Variants in CSMD3 observed in about 807,000 individuals in gnomAD.
CSMD3 encodes the protein CUB and Sushi multiple domains 3, also known as CUB and sushi domain-containing protein 3.
A neutral mutation model predicts 435.2 loss-of-function variants in CSMD3; 177 were observed. The ratio of observed to expected loss-of-function variants is 0.41; its 90% CI spans 0.36 to 0.46. The LOEUF (loss-of-function observed/expected upper bound fraction) is 0.46, where lower values mean the gene tolerates loss of function less well. Among genes scored for constraint, CSMD3 ranks in the 20% least tolerant of loss-of-function variants. The pLI is 0.34. For synonymous variants in CSMD3, 1,656 were observed against 1,520.5 expected, an observed-to-expected ratio of 1.09 and a Z score of -2.07; for missense variants, 4,265 against 4,504.6, an observed-to-expected ratio of 0.95 and a Z score of 1.52.
chr8:112,270,357 T>A (rs1362788003), intron 59 of CSMD3, among the ~76,000 whole-genome samples: 96 of 119,074 alleles, frequency 8.1e-4, no homozygotes, highest in African/African-American at 4.2e-3. Context: ...TGTGTGTGTG[T>A]GTGTGTGTGT....
chr8:112,506,686 C>A lies in CSMD3; in HGVS notation c.4895+5G>T, dbSNP rs2130930299. 1 of 1,613,160 alleles carries A rather than the reference C, an allele frequency of 6.2e-7. No homozygotes were observed. The highest frequency in any genetic ancestry group is 8.5e-7 in the Non-Finnish European group (1 of 1,179,276). ...TAACGTGGAAATAAATATATAAGAA[C>A]TCACCTGATGAACGCCAAGGAGATA... On this transcript the variant is annotated splice_donor_5th_base_variant and intron_variant, in intron 29 of 70. Coordinates refer to ENST00000297405, the MANE Select transcript of CSMD3 (RefSeq NM_198123.2).
chr8:112,837,034 G>A (rs549449798), intron 11 of CSMD3, among the ~76,000 whole-genome samples: 1 of 151,874 alleles, frequency 6.6e-6, no homozygotes, highest in Admixed American at 6.6e-5. Flanking sequence ...CTCATATCAT[G>A]TTGTTATAAT....
intron 5 of CSMD3, among the ~76,000 whole-genome samples, chr8:113,085,690 C>T (rs899109287): frequency 6.6e-6 from 1 of 152,104 alleles, no homozygotes; most frequent in African/African-American, 2.4e-5. Context: ...AAGTTAAATA[C>T]TACATTTTCT....
At chr8:113,157,166 A>C (rs1490670093) in intron 4 of CSMD3, among the ~76,000 whole-genome samples, 1 of 152,146 alleles carries the variant, frequency 6.6e-6, no homozygotes, top group Non-Finnish European at 1.5e-5. Flanking sequence ...TCTTCAAAAA[A>C]TTAAACATAG....
At position 112,234,447 on chromosome 8, in the gene CSMD3, AT is replaced by A; in HGVS notation, c.10657del (p.Met3553CysfsTer15). 6.2e-7 allele frequency: 1 copy of A among 1,613,196 alleles called. No individual in the cohort carries two copies. Among genetic ancestry groups the A allele is most frequent in the Non-Finnish European group, 8.5e-7 (1 of 1,179,424 alleles). ...GVYKSQEARL[M>X]LRIYLIKVPA... ...TACTTTAATAAGATATATGCGTAAC[AT>A]TAGGCGAGCTTCCTGGCTTTTATAT... On this transcript the variant is annotated frameshift_variant, in exon 68 of 71. Transcript: ENST00000297405. LOFTEE classifies it high-confidence loss of function.
intron 35 of CSMD3, among the ~76,000 whole-genome samples, chr8:112,405,366 T>TG (rs1163593881): frequency 1.3e-5 from 2 of 149,454 alleles, no homozygotes; most frequent in African/African-American, 4.9e-5. Context: ...CACTCTTTTT[T>TG]GAATTTAATA....
chr8:112,800,734 G>A (rs1200786121), intron 12 of CSMD3, among the ~76,000 whole-genome samples: 1 of 152,010 alleles, frequency 6.6e-6, no homozygotes, highest in Non-Finnish European at 1.5e-5. Context: ...CAATACTGAT[G>A]TCGAATACAC....
intron 59 of CSMD3, among the ~76,000 whole-genome samples, chr8:112,278,810 T>C (rs762919020): frequency 1.2e-4 from 19 of 152,192 alleles, no homozygotes; most frequent in South Asian, 1.2e-3. Context: ...AACACCCATA[T>C]CATCTCATAG....
At chr8:112,301,750 G>C (rs2130755812) in intron 53 of CSMD3, 43 bp downstream of exon 53, 1 of 1,464,420 alleles carries the variant, frequency 6.8e-7, no homozygotes, top group Non-Finnish European at 9.6e-7. Flanking sequence ...TCAAGGGTGA[G>C]GGGCAGGGGG....
At chr8:113,364,239 A>C (rs1340625298) in intron 1 of CSMD3, among the ~76,000 whole-genome samples, 1 of 147,362 alleles carries the variant, frequency 6.8e-6, no homozygotes, top group Non-Finnish European at 1.5e-5. Context: ...AAGGAATTAG[A>C]CTAAATTTTT....
chr8:112,417,770 A>C (rs1484136581), intron 32 of CSMD3, among the ~76,000 whole-genome samples: 2 of 152,148 alleles, frequency 1.3e-5, no homozygotes, highest in African/African-American at 4.8e-5. Context: ...GTGAGAGTGC[A>C]TTCTACCTTT....
intron 13 of CSMD3, among the ~76,000 whole-genome samples, chr8:112,796,674 A>G (rs1200883279): frequency 6.7e-6 from 1 of 149,798 alleles, no homozygotes; most frequent in Admixed American, 6.7e-5. Context: ...TGACCCTATA[A>G]AAACAACAAA....
At chr8:112,563,171 A>T (rs1460091116) in intron 24 of CSMD3, among the ~76,000 whole-genome samples, 1 of 151,886 alleles carries the variant, frequency 6.6e-6, no homozygotes, top group Non-Finnish European at 1.5e-5. Context: ...AAGAAGAGTT[A>T]TACTCTTTTT....
At position 112,299,843 on chromosome 8, in the gene CSMD3, T is replaced by G. The variant is rs192072350; in HGVS notation, c.8440+1950A>C. ...TTCATTGTATATAAACACTGTATTC[T>G]CTACAATGGATGATCTTGTCTCCTT... On this transcript the variant is annotated intron_variant, in intron 53 of 70. Coordinates refer to ENST00000297405, the MANE Select transcript of CSMD3 (RefSeq NM_198123.2). Among the ~76,000 whole-genome samples, 389 of 152,098 alleles carry G rather than the reference T, an allele frequency of 2.6e-3. 1 individual carries two copies. The highest frequency in any genetic ancestry group is 3.4e-3 in the Middle Eastern group (1 of 294).
intron 5 of CSMD3, among the ~76,000 whole-genome samples, chr8:113,039,093 T>A (rs2087486182): frequency 6.6e-6 from 1 of 152,150 alleles, no homozygotes; most frequent in African/African-American, 2.4e-5. Flanking sequence ...GAATTACACG[T>A]TTACTGAATA....
At chr8:112,969,737 G>C (rs1218216173) in intron 7 of CSMD3, among the ~76,000 whole-genome samples, 3 of 151,900 alleles carry the variant, frequency 2.0e-5, no homozygotes, top group African/African-American at 7.3e-5. Flanking sequence ...CTTAAAAACA[G>C]CAACTATCAA....
chr8:112,984,642 T>C (rs1196483727), intron 6 of CSMD3, among the ~76,000 whole-genome samples: 3 of 151,958 alleles, frequency 2.0e-5, no homozygotes, highest in Non-Finnish European at 4.4e-5. Context: ...AGAAAGAAAT[T>C]CCATCAAATT....
chr8:112,720,689 C>G (rs932419518), intron 13 of CSMD3, among the ~76,000 whole-genome samples: 2 of 152,130 alleles, frequency 1.3e-5, no homozygotes, highest in Non-Finnish European at 2.9e-5. Flanking sequence ...ACTAAAACTT[C>G]CAACGTGCCA....
chr8:112,885,528 C>T (rs2081565860), intron 10 of CSMD3, among the ~76,000 whole-genome samples: 1 of 151,652 alleles, frequency 6.6e-6, no homozygotes, highest in South Asian at 2.1e-4. Flanking sequence ...TGTAATTCCT[C>T]CATACTAAAA....
Sources: allele counts gnomAD v4.1 joint callset (sites outside exome capture counted in the v4.1 genomes callset), GRCh38; gene constraint gnomAD v4.1.1; transcripts MANE v1.5; gene names NCBI Gene and HGNC (gene_info 2026-07-23, HGNC 2026-07-21).